Variants in SORL1 observed in about 807,000 individuals in gnomAD.
SORL1 encodes the protein sortilin related receptor 1.
SORL1 carries 127 observed loss-of-function variants against 273.7 expected under a neutral mutation model. The ratio of observed to expected loss-of-function variants is 0.46; its 90% CI spans 0.40 to 0.54. SORL1 has a LOEUF of 0.54. Ranked by LOEUF, SORL1 falls within the 20% of genes least tolerant of loss-of-function variation. The pLI is 0.00. For synonymous variants in SORL1, 1,031 were observed against 1,067.4 expected (o/e 0.97, Z 0.66); for missense variants, 2,494 against 2,846.1 (o/e 0.88, Z 2.81).
intron 1 of SORL1, among the ~76,000 whole-genome samples, chr11:121,454,270 G>A (rs1166274562): frequency 6.6e-6 from 1 of 152,260 alleles, no homozygotes; most frequent in East Asian, 1.9e-4. Flanking sequence ...AGCATTCTGG[G>A]AACTGGGAGT....
intron 32 of SORL1, among the ~76,000 whole-genome samples, chr11:121,602,911 G>A (rs1462286449): frequency 6.6e-6 from 1 of 152,194 alleles, no homozygotes; most frequent in Non-Finnish European, 1.5e-5. Context: ...CAGGGGGCAG[G>A]GTGCGGGGAG....
At chr11:121,453,523 G>C (rs1290119724) in intron 1 of SORL1, among the ~76,000 whole-genome samples, 5 of 151,936 alleles carry the variant, frequency 3.3e-5, no homozygotes, top group Non-Finnish European at 7.4e-5. Context: ...GTATAAGGTC[G>C]GTGGGGGAGA....
rs1591359784 is a variant in SORL1, at chr11:121,627,374, T to C, written c.6365-181T>C. 3.8e-5 allele frequency: 23 copies of C among 613,152 alleles called. No individual in the cohort carries two copies. In the East Asian group the frequency reaches 6.3e-4, roughly 17 times the overall value. The allele number at this position is 613,152 out of a possible 1,614,324, so 38.0% of individuals were successfully genotyped here. ...ACAAGGCCCTTGGTCTATCAGCTCA[T>C]GGCAAGTAGTGGGGAAGCAATCAGG... On this transcript the variant is annotated intron_variant, in intron 46 of 47. Coordinates refer to ENST00000260197, the MANE Select transcript of SORL1 (RefSeq NM_003105.6). The surrounding 1 kb of genome is among the most constrained non-coding windows in gnomAD (Gnocchi z 4.9).
Position 121,452,739 on chromosome 11 carries a change from A to G in SORL1, c.285+123A>G. On this transcript the variant is annotated intron_variant, in intron 1 of 47. Transcript: ENST00000260197. This position sits in a 1 kb window ranked among gnomAD's most constrained non-coding sequence, Gnocchi z 5.3. ...CACCACTGGGGACTTCCCGGCTTGC[A>G]TTTGTTTTTTTCCTTCACGAGTACA... The G allele has an allele frequency of 2.3e-6, 2 of 883,856 alleles. No homozygotes were observed. Among genetic ancestry groups the G allele is most frequent in the Non-Finnish European group, 1.6e-6 (1 of 632,946 alleles). The allele number at this position is 883,856 out of a possible 1,614,324, so 54.8% of individuals were successfully genotyped here. A position where few individuals can be genotyped will look rare whatever the true frequency, so the allele number is the denominator to read the frequency against.
In SORL1 at chr11:121,627,242, A is replaced by G. The variant is rs1863809401; in HGVS notation, c.6365-313A>G. On this transcript the variant is annotated intron_variant, in intron 46 of 47. Coordinates refer to ENST00000260197, the MANE Select transcript of SORL1 (RefSeq NM_003105.6). The surrounding 1 kb of genome is among the most constrained non-coding windows in gnomAD (Gnocchi z 4.9). ...CAAGTGGTCTTAAGTAATAATGCTA[A>G]TGAAATCAATGTTGATACCCCAACA... The G allele has an allele frequency of 3.0e-6, 1 of 333,950 alleles. No individual in the cohort carries two copies. Among genetic ancestry groups the G allele is most frequent in the East Asian group, 6.2e-5 (1 of 16,020 alleles). 20.7% of individuals were successfully genotyped at this position (333,950 alleles called of 1,614,324 possible).
At chr11:121,569,121 G>A (rs999909371) in intron 22 of SORL1, among the ~76,000 whole-genome samples, 4 of 152,106 alleles carry the variant, frequency 2.6e-5, no homozygotes, top group South Asian at 4.1e-4. Context: ...AAGATTTCAC[G>A]GACACTTATC....
chr11:121,463,170 A>C (rs2134771872), intron 1 of SORL1, among the ~76,000 whole-genome samples: 1 of 152,220 alleles, frequency 6.6e-6, no homozygotes, highest in Admixed American at 6.5e-5. Flanking sequence ...CATTGCCTTA[A>C]AGTCTGTCTC....
intron 12 of SORL1, among the ~76,000 whole-genome samples, chr11:121,540,232 G>A (rs193198704): frequency 2.0e-5 from 3 of 152,256 alleles, no homozygotes; most frequent in Admixed American, 2.0e-4. Flanking sequence ...TAGAGTATCT[G>A]TGGTTATATT....
At chr11:121,478,357 C>A in intron 3 of SORL1, 114 bp downstream of exon 3, 1 of 1,235,238 alleles carries the variant, frequency 8.1e-7, no homozygotes, top group Non-Finnish European at 1.1e-6. Flanking sequence ...TGTAGCATGA[C>A]TGGTGGCTAG....
At position 121,621,143 on chromosome 11, in the gene SORL1, A is replaced by G. The variant is rs946548088; in HGVS notation, c.5969A>G (p.Glu1990Gly). The change falls in exon 44 of 48, where the codon GAA (glutamate) becomes GGA (glycine). Residue 1990 changes from glutamate to glycine, a missense_variant. Glu to Gly is a moderately conservative substitution (Grantham distance 98, BLOSUM62 -2). This residue lies in a region of SORL1 where 1,609 missense variants were observed against 1,816.4 expected (regional missense o/e 0.89). Transcript: ENST00000260197. ...YKVKSRNSTV[E>G]YTLNKLEPGG... ...GTAAAATCCCGTAACAGCACTGTGG[A>G]ATACACCCTTAACAAGTTGGAGCCT... The G allele has an allele frequency of 6.8e-6, 11 of 1,613,990 alleles. No individual in the cohort carries two copies. The African/African-American group carries it at 1.1e-4, about 16-fold the overall frequency.
At position 121,625,270 on chromosome 11, in the gene SORL1, G is replaced by A. The variant is rs1225972682; in HGVS notation, c.6357G>A (p.Leu2119=). ...GEPAILLYDE[L]GSGADASATQ... is the part of the protein sequence containing the mutation. ...CTGCCATCCTGCTGTACGATGAGCT[G>A]GGGTCTGGTGAGTTGCGATTGCTGC... The change falls in exon 46 of 48, where the codon CTG becomes CTA. Residue 2119 remains leucine, a synonymous_variant. Coordinates refer to ENST00000260197, the MANE Select transcript of SORL1 (RefSeq NM_003105.6). The A allele has an allele frequency of 1.9e-6, 3 of 1,609,664 alleles. No homozygotes were observed. The highest frequency in any genetic ancestry group is 2.5e-6 in the Non-Finnish European group (3 of 1,178,154).
In SORL1 at chr11:121,570,176, C is replaced by T; in HGVS notation, c.3243C>T (p.Asn1081=). 8 of 1,613,806 alleles carry T rather than the reference C, an allele frequency of 5.0e-6. No individual in the cohort carries two copies. The highest frequency in any genetic ancestry group is 6.8e-6 in the Non-Finnish European group (8 of 1,179,730). Reference sequence around the variant, plus strand: ...GGGTAGAGAACACCTGTCTTCGCAACCAGTATCGCTGCAGCAACGGGAACT... The same window carrying T: ...GGGTAGAGAACACCTGTCTTCGCAATCAGTATCGCTGCAGCAACGGGAACT... ...CVKQENTCLR[N]QYRCSNGNCI... is the part of the protein sequence containing the mutation. The change falls in exon 23 of 48, where the codon AAC becomes AAT. Residue 1081 remains asparagine (N), a synonymous_variant. Transcript: ENST00000260197.
At position 121,525,949 on chromosome 11, in the gene SORL1, G is replaced by T. The variant is rs909329172; in HGVS notation, c.1596+2960G>T. On this transcript the variant is annotated intron_variant, in intron 11 of 47. Transcript: ENST00000260197. ...AGGCTGAGGTCAGAAGGTCACATGA[G>T]CCCTGGTGGTTGAAGGTGTAGTGAG... 2.6e-5 allele frequency among the ~76,000 whole-genome samples: 4 copies of T among 152,182 alleles called. No homozygotes were observed. The East Asian group carries it at 5.8e-4, about 22-fold the overall frequency.
chr11:121,550,580 G>C lies in SORL1; in HGVS notation c.2181-5G>C. 2 of 1,613,998 alleles carry C rather than the reference G, an allele frequency of 1.2e-6. No individual in the cohort carries two copies. Among genetic ancestry groups the C allele is most frequent in the Non-Finnish European group, 1.7e-6 (2 of 1,179,858 alleles). ...TGACCTCTTGCTCTTGGGGTGGGGTGACAGCTACCGGAAGATTTCTGGGGA... is the reference window on the plus strand; with the variant it reads ...TGACCTCTTGCTCTTGGGGTGGGGTCACAGCTACCGGAAGATTTCTGGGGA... On this transcript the variant is annotated splice_region_variant and splice_polypyrimidine_tract_variant and intron_variant, in intron 15 of 47. Transcript: ENST00000260197. The surrounding 1 kb of genome is among the most constrained non-coding windows in gnomAD (Gnocchi z 5.3).
chr11:121,482,956 A>G (rs1861416267), intron 3 of SORL1, among the ~76,000 whole-genome samples: 1 of 152,186 alleles, frequency 6.6e-6, no homozygotes. Context: ...CAGCAGTCCC[A>G]CTTCCTTCTT....
At chr11:121,539,449 T>A (rs1162987866) in intron 12 of SORL1, among the ~76,000 whole-genome samples, 1 of 152,248 alleles carries the variant, frequency 6.6e-6, no homozygotes, top group African/African-American at 2.4e-5. Flanking sequence ...TCTTCATAAT[T>A]CTCCTAGAGA....
At chr11:121,611,004 AAAAC>A in intron 38 of SORL1, 68 bp from the exon 39 acceptor site, 1 of 1,026,984 alleles carries the variant, frequency 9.7e-7, no homozygotes, top group East Asian at 2.4e-5. Flanking sequence ...CGTTGAGTTG[AAAAC>A]TATTAAGTCC....
Position 121,522,642 on chromosome 11 carries a change from C to A in SORL1, c.1461C>A (p.Leu487=), listed in dbSNP as rs781738511. Residue 487 remains leucine, a synonymous_variant, in exon 10 of 48, where the codon CTC becomes CTA. Transcript: ENST00000260197. The stretch of plus-strand genomic sequence containing the variant: ...AGCGCCTCAGTCAGCTCCTCAACCT[C>A]CAGCTCCGGAGAATGCCCATCCTGT... The part of the protein sequence containing the change: ...LAQRLSQLLN[L]QLRRMPILSK... 1.2e-6 allele frequency: 2 copies of A among 1,614,246 alleles called. No individual in the cohort carries two copies. The highest frequency in any genetic ancestry group is 3.3e-5 in the Admixed American group (2 of 60,032).
At chr11:121,460,593 T>A (rs1860982799) in intron 1 of SORL1, among the ~76,000 whole-genome samples, 1 of 152,010 alleles carries the variant, frequency 6.6e-6, no homozygotes, top group Non-Finnish European at 1.5e-5. Context: ...AGATGAGGTT[T>A]CACCATATTG....
Sources: allele counts gnomAD v4.1 joint callset (sites outside exome capture counted in the v4.1 genomes callset), GRCh38; gene constraint gnomAD v4.1.1; regional missense constraint gnomAD v4.1.1; non-coding constraint Gnocchi (gnomAD v3.1); transcripts MANE v1.5; gene names NCBI Gene and HGNC (gene_info 2026-07-23, HGNC 2026-07-21).